The following AAMP variants were observed in gnomAD, a reference collection of about 807,000 sequenced individuals.
The protein encoded by AAMP is angio associated migratory cell protein.
Under a neutral mutation model 51.1 loss-of-function variants are expected in AAMP, and 12 were observed. That is an observed-to-expected ratio of 0.23 (90% CI 0.15 to 0.38). The LOEUF (loss-of-function observed/expected upper bound fraction) is 0.38. AAMP is among the 10% of genes least tolerant of loss of function. The pLI is 1.00. For synonymous variants in AAMP, 210 were observed against 218.7 expected, an observed-to-expected ratio of 0.96 and a Z score of 0.35; for missense variants, 418 against 557.2, an observed-to-expected ratio of 0.75 and a Z score of 2.52.
At chr2:218,264,880 G>A in intron 10 of AAMP, 140 bp downstream of exon 10, 1 of 1,385,910 alleles carries the variant, frequency 7.2e-7, no homozygotes, top group Non-Finnish European at 1.0e-6. Flanking sequence ...CTGGAATGGG[G>A]GCTGGGCTGT....
intron 10 of AAMP, 68 bp from the exon 11 acceptor site, chr2:218,264,676 T>G (rs1466447259): frequency 3.5e-6 from 5 of 1,411,712 alleles, no homozygotes; most frequent in Middle Eastern, 1.8e-4. Context: ...GGCCCTAGGG[T>G]GGGCTCCTCC....
In AAMP at chr2:218,264,613, A is replaced by G. The variant is rs1406274998; in HGVS notation, c.1230-5T>C. 6 of 1,613,700 alleles carry G rather than the reference A, an allele frequency of 3.7e-6. No homozygotes were observed. Among genetic ancestry groups the G allele is most frequent in the African/African-American group, 1.3e-5 (1 of 74,900 alleles). On this transcript the variant is annotated splice_polypyrimidine_tract_variant and splice_region_variant and intron_variant, in intron 10 of 10. Transcript: ENST00000248450. ...GTCACCACCAGGGAGGCATCTCTGTAAACAGAAAGCATGTGATTGCAGAGA... is the reference window on the plus strand; with the variant it reads ...GTCACCACCAGGGAGGCATCTCTGTGAACAGAAAGCATGTGATTGCAGAGA...
At position 218,265,492 on chromosome 2, in the gene AAMP, T is replaced by A; in HGVS notation, c.984-31A>T. On this transcript the variant is annotated intron_variant, in intron 8 of 10. Transcript: ENST00000248450. This position sits in a 1 kb window ranked among gnomAD's most constrained non-coding sequence, Gnocchi z 6.6. ...CAGAGGAGCGTACCATGAAGACTCA[T>A]GAGGGCCTGGACTCACACGCCCTGC... 1 of 1,574,270 alleles carries A rather than the reference T, an allele frequency of 6.4e-7. No homozygotes were observed. Among genetic ancestry groups the A allele is most frequent in the Non-Finnish European group, 8.7e-7 (1 of 1,150,562 alleles).
Position 218,265,699 on chromosome 2 carries a change from A to G in AAMP, c.880-17T>C, listed in dbSNP as rs1690608798. On this transcript the variant is annotated splice_polypyrimidine_tract_variant and intron_variant, in intron 7 of 10. Transcript: ENST00000248450. The surrounding 1 kb of genome is among the most constrained non-coding windows in gnomAD (Gnocchi z 6.6). ...ACCCACCACCTGAAAGCCAGAGAGG[A>G]TCAGAGGAGGACACGGAATCCGGGT... The G allele has an allele frequency of 1.2e-6, 2 of 1,609,594 alleles. No homozygotes were observed. The highest frequency in any genetic ancestry group is 1.7e-6 in the Non-Finnish European group (2 of 1,177,776).
rs751284215 is a variant in AAMP at position 218,270,042 on chromosome 2, T to TG, written c.44dup (p.Leu16ThrfsTer9). On this transcript the variant is annotated frameshift_variant, in exon 1 of 11. Transcript: ENST00000248450. LOFTEE classifies it high-confidence loss of function. ...CACCATGGAAGCTTAGGGTCTCCAG[T>TG]GGGGGGGTGTCAGCAGCAGCCCCGC... The TG allele has an allele frequency of 1.1e-5, 18 of 1,613,718 alleles. No individual in the cohort carries two copies. The highest frequency in any genetic ancestry group is 5.1e-6 in the Non-Finnish European group (6 of 1,179,914).
chr2:218,269,785 A>T, intron 1 of AAMP, 181 bp downstream of exon 1: 1 of 1,077,244 alleles, frequency 9.3e-7, no homozygotes, highest in Admixed American at 2.5e-5. Context: ...AGGAGGCGTC[A>T]GGGAACCCCC....
rs1265396047 is a variant in AAMP at position 218,268,306 on chromosome 2, T to C, written c.275-693A>G. Among the ~76,000 whole-genome samples the C allele has an allele frequency of 2.0e-5, 3 of 151,642 alleles. No homozygotes were observed. The East Asian group carries it at 5.9e-4, about 30-fold the overall frequency. On this transcript the variant is annotated intron_variant, in intron 2 of 10. Transcript: ENST00000248450. ...AGAACTAGCACTTGAGAAAGTTATA[T>C]AAAATATGCTCAAAAAGATATAATT...
At position 218,269,394 on chromosome 2, in the gene AAMP, C is replaced by T. The variant is rs150372866; in HGVS notation, c.262G>A (p.Ala88Thr). The change falls in exon 2 of 11, where the codon GCA becomes ACA. Residue 88 changes from alanine to threonine, a missense_variant. By Grantham distance (58) the Ala-to-Thr change is moderately conservative (BLOSUM62 0). Coordinates refer to ENST00000248450, the MANE Select transcript of AAMP (RefSeq NM_001087.5). ...EGPDDSEVTF[A>T]LHSASVFCVS... ...CTCAAAGACCTACCTGAGTGCAATG[C>T]AAAGGTGACCTCGCTATCGTCGGGG... 1,218 of 1,614,072 alleles carry T rather than the reference C, an allele frequency of 7.5e-4. 8 individuals are homozygous for T. In the African/African-American group the frequency reaches 0.015, roughly 20 times the overall value.
rs1559493426 is a variant in AAMP at position 218,267,634 on chromosome 2, T to C, written c.275-21A>G. ...AGATGCTGTCCCAAGAGATATTCCA[T>C]GGGTAAGGGGACAGAGCTCCCACCT... On this transcript the variant is annotated intron_variant, in intron 2 of 10. Coordinates refer to ENST00000248450, the MANE Select transcript of AAMP (RefSeq NM_001087.5). The surrounding 1 kb of genome is among the most constrained non-coding windows in gnomAD (Gnocchi z 4.6). The C allele has an allele frequency of 1.2e-6, 2 of 1,614,120 alleles. No individual in the cohort carries two copies. Among genetic ancestry groups the C allele is most frequent in the East Asian group, 2.2e-5 (1 of 44,876 alleles).
Position 218,266,704 on chromosome 2 carries a change from TAG to T in AAMP, c.535-119_535-118del. 1 of 1,548,084 alleles carries T rather than the reference TAG, an allele frequency of 6.5e-7. No homozygotes were observed. Among genetic ancestry groups the T allele is most frequent in the Non-Finnish European group, 8.8e-7 (1 of 1,140,866 alleles). On this transcript the variant is annotated intron_variant, in intron 4 of 10. Transcript: ENST00000248450. This position sits in a 1 kb window ranked among gnomAD's most constrained non-coding sequence, Gnocchi z 4.7. ...TGGGGTTCCGCGGGGACTTTCCAGG[TAG>T]CAGGTAGATATTCTTCCTGTGCCTT...
At chr2:218,269,696 G>C in intron 1 of AAMP, 162 bp from the exon 2 acceptor site, 1 of 1,233,892 alleles carries the variant, frequency 8.1e-7, no homozygotes, top group Non-Finnish European at 1.1e-6. Context: ...AGGACGGGAG[G>C]CCACGGCTGG....
intron 2 of AAMP, among the ~76,000 whole-genome samples, chr2:218,268,251 G>A (rs1455412077): frequency 6.6e-6 from 1 of 152,148 alleles, no homozygotes; most frequent in Admixed American, 6.5e-5. Context: ...ACAGGCATGA[G>A]CCACCGTGCC....
chr2:218,269,807 G>A lies in AAMP; in HGVS notation c.121+159C>T, dbSNP rs185300942. 9.6e-5 allele frequency: 118 copies of A among 1,229,764 alleles called. 1 individual carries two copies. In the East Asian group the frequency reaches 2.6e-3, roughly 27 times the overall value. The allele number at this position is 1,229,764 out of a possible 1,614,324, so 76.2% of individuals were successfully genotyped here. The stretch of plus-strand genomic sequence containing the variant: ...GTCAGGGAACCCCCACCCCAGCCAG[G>A]CCTGAGAACTAAGTGTGAGGGTGGG... On this transcript the variant is annotated intron_variant, in intron 1 of 10. Coordinates refer to ENST00000248450, the MANE Select transcript of AAMP (RefSeq NM_001087.5).
Position 218,266,764 on chromosome 2 carries a change from A to G in AAMP, c.534+83T>C. The G allele has an allele frequency of 2.5e-6, 4 of 1,591,848 alleles. No individual in the cohort carries two copies. In the South Asian group the frequency reaches 4.5e-5, roughly 18 times the overall value. ...ATTGGCTCAGAGCTGGCTTGGCGCAATAAAGGCAGAACTGGCCTCCCAAGC... is the reference window on the plus strand; with the variant it reads ...ATTGGCTCAGAGCTGGCTTGGCGCAGTAAAGGCAGAACTGGCCTCCCAAGC... On this transcript the variant is annotated intron_variant, in intron 4 of 10. Coordinates refer to ENST00000248450, the MANE Select transcript of AAMP (RefSeq NM_001087.5). The surrounding 1 kb of genome is among the most constrained non-coding windows in gnomAD (Gnocchi z 4.7).
chr2:218,269,437 C>T lies in AAMP; in HGVS notation c.219G>A (p.Val73=), dbSNP rs750167662. The T allele has an allele frequency of 6.2e-7, 1 of 1,614,098 alleles. No homozygotes were observed. Among genetic ancestry groups the T allele is most frequent in the African/African-American group, 1.3e-5 (1 of 74,936 alleles). Residue 73 remains valine (V), a synonymous_variant, in exon 2 of 11, where the codon GTG becomes GTA. Coordinates refer to ENST00000248450, the MANE Select transcript of AAMP (RefSeq NM_001087.5). Reference sequence around the variant, plus strand: ...CGTCGGGGCCCTCCATGCTGCCGACCACCCCTTCCTGGGGTTCTAGAACCC... The same window carrying T: ...CGTCGGGGCCCTCCATGCTGCCGACTACCCCTTCCTGGGGTTCTAGAACCC... ...EGWVLEPQEG[V]VGSMEGPDDS... is the part of the protein sequence containing the mutation.
At chr2:218,264,712 A>G (rs1690579874) in intron 10 of AAMP, 104 bp from the exon 11 acceptor site, 1 of 1,041,960 alleles carries the variant, frequency 9.6e-7, no homozygotes, top group Non-Finnish European at 1.5e-6. Flanking sequence ...CTAGGGCCCT[A>G]GTGCCTAGCA....
chr2:218,269,860 C>T lies in AAMP; in HGVS notation c.121+106G>A, dbSNP rs530623779. The T allele has an allele frequency of 2.4e-5, 37 of 1,522,532 alleles. No homozygotes were observed. The South Asian group carries it at 4.4e-4, about 18-fold the overall frequency. The allele number at this position is 1,522,532 out of a possible 1,614,324, so 94.3% of individuals were successfully genotyped here. ...TGGGGGAGGAGGGGAAGAGGGATAT[C>T]GGTAGGAATGACCAGTCGGGTGTGG... On this transcript the variant is annotated intron_variant, in intron 1 of 10. Coordinates refer to ENST00000248450, the MANE Select transcript of AAMP (RefSeq NM_001087.5).
At position 218,266,398 on chromosome 2, in the gene AAMP, C is replaced by A; in HGVS notation, c.679+45G>T. 6.3e-7 allele frequency: 1 copy of A among 1,597,176 alleles called. No homozygotes were observed. The highest frequency in any genetic ancestry group is 8.6e-7 in the Non-Finnish European group (1 of 1,167,892). ...TCTGGGAGGTGTATATCCCGGGATTCGGCCTCTGCACCCAGGAAAGGTCAC... is the reference window on the plus strand; with the variant it reads ...TCTGGGAGGTGTATATCCCGGGATTAGGCCTCTGCACCCAGGAAAGGTCAC... On this transcript the variant is annotated intron_variant, in intron 5 of 10. Transcript: ENST00000248450. The surrounding 1 kb of genome is among the most constrained non-coding windows in gnomAD (Gnocchi z 4.7).
In AAMP at chr2:218,264,501, A is replaced by G. The variant is rs750901485; in HGVS notation, c.*32T>C. The G allele has an allele frequency of 1.0e-5, 16 of 1,607,236 alleles. No homozygotes were observed. The highest frequency in any genetic ancestry group is 1.4e-5 in the Non-Finnish European group (16 of 1,173,874). ...GGGGCAGGGGTCCCTTCGTCCCCTCAACACCAGACACACAGGCAGGGGCTG... is the reference window on the plus strand; with the variant it reads ...GGGGCAGGGGTCCCTTCGTCCCCTCGACACCAGACACACAGGCAGGGGCTG... On this transcript the variant is annotated 3_prime_UTR_variant, in exon 11 of 11. Transcript: ENST00000248450.
Sources: allele counts gnomAD v4.1 joint callset (sites outside exome capture counted in the v4.1 genomes callset), GRCh38; gene constraint gnomAD v4.1.1; non-coding constraint Gnocchi (gnomAD v3.1); transcripts MANE v1.5; gene names NCBI Gene and HGNC (gene_info 2026-07-23, HGNC 2026-07-21).